ASCC3: variants seen among roughly 807,000 people sequenced by gnomAD.
The protein encoded by ASCC3 is activating signal cointegrator 1 complex subunit 3, also known as ASC-1 complex subunit P200.
In ASCC3, 158 loss-of-function variants were observed where a neutral mutation model predicts 256.3. The ratio of observed to expected loss-of-function variants is 0.62; its 90% CI spans 0.54 to 0.70. ASCC3 has a LOEUF of 0.70. Among genes scored for constraint, ASCC3 ranks in the 30% least tolerant of loss-of-function variants. The pLI is 0.00. For synonymous variants in ASCC3, 948 were observed against 883.4 expected (o/e 1.07, Z -1.30); for missense variants, 2,259 against 2,626.0 (o/e 0.86, Z 3.05).
At chr6:100,790,594 G>A (rs77705637) in intron 8 of ASCC3, among the ~76,000 whole-genome samples, 1,787 of 152,042 alleles carry the variant, frequency 0.012, 11 homozygotes, top group Non-Finnish European at 0.018. Context: ...ACTAAATCCA[G>A]TTCTAAAGCA....
intron 4 of ASCC3, among the ~76,000 whole-genome samples, chr6:100,816,756 G>T (rs1262917759): frequency 6.6e-6 from 1 of 152,080 alleles, no homozygotes; most frequent in African/African-American, 2.4e-5. Context: ...CTACCTGAGG[G>T]TAGAGGGTGG....
chr6:100,764,455 A>T (rs1781557066), intron 10 of ASCC3, among the ~76,000 whole-genome samples: 1 of 152,220 alleles, frequency 6.6e-6, no homozygotes, highest in Non-Finnish European at 1.5e-5. Flanking sequence ...GAAAAAGCAA[A>T]AATGGCCTGA....
intron 29 of ASCC3, among the ~76,000 whole-genome samples, chr6:100,626,421 A>G (rs1774239321): frequency 6.6e-6 from 1 of 152,120 alleles, no homozygotes; most frequent in Non-Finnish European, 1.5e-5. Context: ...AAGCTATCAC[A>G]CAATCATATT....
chr6:100,635,691 T>G (rs1774808050), intron 25 of ASCC3, among the ~76,000 whole-genome samples: 1 of 152,018 alleles, frequency 6.6e-6, no homozygotes, highest in Admixed American at 6.6e-5. Flanking sequence ...ATTGTATACC[T>G]TAAATATACA....
chr6:100,519,091 G>T (rs1774176590), intron 37 of ASCC3, among the ~76,000 whole-genome samples: 2 of 152,078 alleles, frequency 1.3e-5, no homozygotes, highest in East Asian at 1.9e-4. Flanking sequence ...ATACTATGTT[G>T]TAAAAATTAA....
chr6:100,512,946 AAGG>A (rs768485630), intron 39 of ASCC3, 28 bp from the exon 40 acceptor site: 3 of 1,586,610 alleles, frequency 1.9e-6, no homozygotes, highest in African/African-American at 2.7e-5. Flanking sequence ...AGAAACAATA[AAGG>A]AGGAGTTTAT....
Position 100,625,328 on chromosome 6 carries a change from C to T in ASCC3, c.4649G>A (p.Arg1550Lys), listed in dbSNP as rs960167233. Residue 1550 changes from arginine to lysine, a missense_variant, in exon 30 of 42, where the codon AGA becomes AAA. Arg to Lys is a conservative substitution (Grantham distance 26). This residue lies in a region of ASCC3 where 1,839 missense variants were observed against 2,206.7 expected (regional missense o/e 0.83). Coordinates refer to ENST00000369162, the MANE Select transcript of ASCC3 (RefSeq NM_006828.4). Reference sequence around the variant, plus strand: ...AACAGGTTTGGCTGGAGAATGGCTTCTAATTGCTGTTGAAAAGTTGTGGGA... The same window carrying T: ...AACAGGTTTGGCTGGAGAATGGCTTTTAATTGCTGTTGAAAAGTTGTGGGA... ...SMNKPAFQAI[R>K]SHSPAKPVLI... 6.2e-7 allele frequency: 1 copy of T among 1,612,506 alleles called. No homozygotes were observed. Among genetic ancestry groups the T allele is most frequent in the African/African-American group, 1.3e-5 (1 of 74,938 alleles).
chr6:100,766,658 A>AT lies in ASCC3; in HGVS notation c.1643dup (p.Asp548GlufsTer20). 1 of 1,614,042 alleles carries AT rather than the reference A, an allele frequency of 6.2e-7. No individual in the cohort carries two copies. The highest frequency in any genetic ancestry group is 8.5e-7 in the Non-Finnish European group (1 of 1,179,954). On this transcript the variant is annotated frameshift_variant, in exon 10 of 42. Coordinates refer to ENST00000369162, the MANE Select transcript of ASCC3 (RefSeq NM_006828.4). LOFTEE classifies it high-confidence loss of function. Reference sequence around the variant, plus strand: ...GTGGCTCTAGACGTCTGCTGAAGTAATCTGTCATTTCAGCTGCCAAGGCTT... The same window carrying AT: ...GTGGCTCTAGACGTCTGCTGAAGTAATTCTGTCATTTCAGCTGCCAAGGCTT...
At chr6:100,860,965 G>A (rs1027383236) in intron 3 of ASCC3, among the ~76,000 whole-genome samples, 7 of 152,066 alleles carry the variant, frequency 4.6e-5, no homozygotes, top group African/African-American at 9.7e-5. Flanking sequence ...AATGAGCTTT[G>A]CCTTTGACAA....
intron 30 of ASCC3, among the ~76,000 whole-genome samples, chr6:100,611,125 G>A (rs1016041119): frequency 1.3e-5 from 2 of 152,082 alleles, no homozygotes; most frequent in Non-Finnish European, 2.9e-5. Flanking sequence ...CACCAGGGAA[G>A]GCTAACAGTT....
rs1421337324 is a variant in ASCC3, at chr6:100,652,853, C to A, written c.2860G>T (p.Val954Phe). The A allele has an allele frequency of 6.2e-7, 1 of 1,613,864 alleles. No homozygotes were observed. The highest frequency in any genetic ancestry group is 2.2e-5 in the East Asian group (1 of 44,810). Residue 954 changes from valine (V) to phenylalanine (F), a missense_variant, in exon 18 of 42, where the codon GTC (valine) becomes TTC (phenylalanine). Coordinates refer to ENST00000369162, the MANE Select transcript of ASCC3 (RefSeq NM_006828.4). ...TCTAGTTTTCGTCCAACTTCAATGA[C>A]CAACTGTTCTCGATGCTTTCTTAAT... ...PTLRKHREQL[V>F]IEVGRKLDKA... is the part of the protein sequence containing the mutation.
chr6:100,569,912 G>A (rs1244188155), intron 36 of ASCC3, among the ~76,000 whole-genome samples: 1 of 152,100 alleles, frequency 6.6e-6, no homozygotes, highest in East Asian at 1.9e-4. Context: ...TGCAATCTAT[G>A]AGTATGGAAT....
intron 40 of ASCC3, 83 bp downstream of exon 40, chr6:100,512,626 C>T (rs559855430): frequency 7.4e-7 from 1 of 1,349,974 alleles, no homozygotes; most frequent in South Asian, 1.2e-5. Context: ...GACACGGGCA[C>T]ATTAGTCACA....
rs1480566229 is a variant in ASCC3 at position 100,661,980 on chromosome 6, A to C, written c.2529T>G (p.Ile843Met). ...GACCAAATATCTGCATGACATCTAA[A>C]ATTCCAAGGTCAACAAAGGAGCCTC... is the stretch of plus-strand genomic sequence containing the variant. The part of the protein sequence containing the change: ...AKRGSFVDLG[I>M]LDVMQIFGRA... Residue 843 changes from isoleucine (I) to methionine (M), a missense_variant, in exon 16 of 42, where the codon ATT (isoleucine) becomes ATG (methionine). Around this residue, in one of 2 missense-constraint regions of ASCC3, gnomAD observed 1,839 missense variants for 2,206.7 expected, o/e 0.83. Transcript: ENST00000369162. 6.2e-7 allele frequency: 1 copy of C among 1,613,190 alleles called. No individual in the cohort carries two copies. The highest frequency in any genetic ancestry group is 2.2e-5 in the East Asian group (1 of 44,868).
chr6:100,541,582 C>A (rs1320257946), intron 36 of ASCC3, among the ~76,000 whole-genome samples: 1 of 152,130 alleles, frequency 6.6e-6, no homozygotes, highest in Non-Finnish European at 1.5e-5. Context: ...AATCAAAAAG[C>A]AACACCTAAA....
chr6:100,577,267 TTA>T (rs1770920872), intron 36 of ASCC3, among the ~76,000 whole-genome samples: 1 of 152,022 alleles, frequency 6.6e-6, no homozygotes. Flanking sequence ...TTGGCCTATA[TTA>T]TATCTGTCAA....
intron 36 of ASCC3, among the ~76,000 whole-genome samples, chr6:100,565,095 A>C (rs927630174): frequency 1.3e-5 from 2 of 152,194 alleles, no homozygotes; most frequent in African/African-American, 4.8e-5. Flanking sequence ...GTCCAACCAA[A>C]TTAGAGTTGG....
chr6:100,665,716 G>A (rs1776436434), intron 14 of ASCC3, among the ~76,000 whole-genome samples: 1 of 150,650 alleles, frequency 6.6e-6, no homozygotes, highest in Admixed American at 6.6e-5. Context: ...CTCCAGCCTG[G>A]GCGACAGAGT....
chr6:100,545,468 G>A (rs1368651590), intron 36 of ASCC3, among the ~76,000 whole-genome samples: 2 of 152,176 alleles, frequency 1.3e-5, no homozygotes, highest in Admixed American at 6.5e-5. Flanking sequence ...GAGCCACAGC[G>A]CTGGCCATAA....
Sources: allele counts gnomAD v4.1 joint callset (sites outside exome capture counted in the v4.1 genomes callset), GRCh38; gene constraint gnomAD v4.1.1; regional missense constraint gnomAD v4.1.1; transcripts MANE v1.5; gene names NCBI Gene and HGNC (gene_info 2026-07-23, HGNC 2026-07-21).